Variants in SUPT3H observed in about 807,000 individuals in gnomAD.
SUPT3H encodes SPT3 homolog, SAGA and STAGA complex component.
In SUPT3H, 44 loss-of-function variants were observed where a neutral mutation model predicts 44.3. The ratio of observed to expected loss-of-function variants is 0.99; its 90% CI spans 0.78 to 1.28. The LOEUF (loss-of-function observed/expected upper bound fraction) is 1.28, where lower values mean the gene tolerates loss of function less well. Among genes scored for constraint, SUPT3H ranks in the 50% most tolerant of loss-of-function variants. SUPT3H has a pLI of 0.00. For synonymous variants in SUPT3H, 124 were observed against 125.6 expected, an observed-to-expected ratio of 0.99 and a Z score of 0.09; for missense variants, 380 against 387.1, an observed-to-expected ratio of 0.98 and a Z score of 0.15.
chr6:45,192,003 C>T (rs1322068521), intron 2 of SUPT3H, among the ~76,000 whole-genome samples: 1 of 152,074 alleles, frequency 6.6e-6, no homozygotes, highest in African/African-American at 2.4e-5. Flanking sequence ...ACTTACTTTA[C>T]TGAGTAAACT....
intron 10 of SUPT3H, among the ~76,000 whole-genome samples, chr6:44,905,879 A>G (rs1765960050): frequency 1.3e-5 from 2 of 152,224 alleles, no homozygotes; most frequent in South Asian, 2.1e-4. Flanking sequence ...TTGTAGGGAC[A>G]TGGATGAAGC....
chr6:45,081,053 A>C (rs142071866), intron 3 of SUPT3H, among the ~76,000 whole-genome samples: 4,358 of 151,672 alleles, frequency 0.029, 175 homozygotes, highest in African/African-American at 0.084. Flanking sequence ...GTACATATAT[A>C]CGTATATATG....
chr6:45,240,071 G>T (rs919517536), intron 2 of SUPT3H, among the ~76,000 whole-genome samples: 1 of 152,124 alleles, frequency 6.6e-6, no homozygotes, highest in Admixed American at 6.5e-5. Context: ...TAATAACTTG[G>T]GGTAGAGGTT....
intron 10 of SUPT3H, among the ~76,000 whole-genome samples, chr6:44,925,295 C>G (rs561995126): frequency 6.6e-6 from 1 of 152,232 alleles, no homozygotes; most frequent in East Asian, 1.9e-4. Context: ...TCCAGACTAA[C>G]TGGCTAGCTC....
At chr6:45,232,230 A>ACC (rs570208401) in intron 2 of SUPT3H, among the ~76,000 whole-genome samples, 42 of 152,158 alleles carry the variant, frequency 2.8e-4, no homozygotes, top group Non-Finnish European at 5.1e-4. Context: ...CTGAAGATGT[A>ACC]CCAATTGTGC....
In SUPT3H at chr6:44,949,460, T is replaced by A. The variant is rs9463054; in HGVS notation, c.801+3850A>T. Among the ~76,000 whole-genome samples the A allele has an allele frequency of 4.6e-5, 7 of 151,174 alleles. No homozygotes were observed. The East Asian group carries it at 9.7e-4, about 21-fold the overall frequency. On this transcript the variant is annotated intron_variant, in intron 9 of 10. Transcript: ENST00000371459. ...AAAAAAAAGAAAAAAAAGAAAAAAATTGGATAAATTAGGCTTCATCAGAAA... is the reference window on the plus strand; with the variant it reads ...AAAAAAAAGAAAAAAAAGAAAAAAAATGGATAAATTAGGCTTCATCAGAAA...
chr6:45,149,090 A>G (rs1458809285), intron 2 of SUPT3H, among the ~76,000 whole-genome samples: 4 of 152,208 alleles, frequency 2.6e-5, no homozygotes, highest in Non-Finnish European at 1.5e-5. Flanking sequence ...TACTAAACAT[A>G]TTAATATACA....
At position 45,142,199 on chromosome 6, in the gene SUPT3H, G is replaced by C. The variant is rs144442912; in HGVS notation, c.102-36193C>G. 2.2e-3 allele frequency among the ~76,000 whole-genome samples: 329 copies of C among 152,124 alleles called. 1 individual carries two copies. Among genetic ancestry groups the C allele is most frequent in the African/African-American group, 7.6e-3 (315 of 41,510 alleles). Reference sequence around the variant, plus strand: ...AGTCTTTTTCAGGCAAACAAATGCTGAGAGAATACATTACTACCAAGCCAG... The same window carrying C: ...AGTCTTTTTCAGGCAAACAAATGCTCAGAGAATACATTACTACCAAGCCAG... On this transcript the variant is annotated intron_variant, in intron 2 of 10. Transcript: ENST00000371459.
At chr6:45,212,434 G>A (rs1764242076) in intron 2 of SUPT3H, among the ~76,000 whole-genome samples, 1 of 146,838 alleles carries the variant, frequency 6.8e-6, no homozygotes, top group African/African-American at 2.5e-5. Context: ...CCTGGAAAAT[G>A]CTCTCTTCCT....
At chr6:45,023,028 C>CAGAAA (rs1301315472) in intron 3 of SUPT3H, among the ~76,000 whole-genome samples, 1 of 151,912 alleles carries the variant, frequency 6.6e-6, no homozygotes, top group Admixed American at 6.6e-5. Flanking sequence ...AAATTTTTGC[C>CAGAAA]TACTACCAGA....
At chr6:45,318,875 C>T (rs566372953) in intron 2 of SUPT3H, among the ~76,000 whole-genome samples, 1 of 152,166 alleles carries the variant, frequency 6.6e-6, no homozygotes, top group East Asian at 1.9e-4. Context: ...GATTTTATTT[C>T]TCAGAGATTT....
At chr6:45,130,207 T>C (rs889999110) in intron 2 of SUPT3H, among the ~76,000 whole-genome samples, 1 of 152,190 alleles carries the variant, frequency 6.6e-6, no homozygotes, top group Non-Finnish European at 1.5e-5. Flanking sequence ...GCATCTTCCC[T>C]GCCTCAGGCA....
chr6:45,303,689 A>AAG (rs1554334303), intron 2 of SUPT3H, among the ~76,000 whole-genome samples: 15 of 149,578 alleles, frequency 1.0e-4, no homozygotes, highest in Admixed American at 8.7e-4. Context: ...AAAAAAAAAA[A>AAG]AAAGAAACAA....
At chr6:45,241,299 C>G in intron 2 of SUPT3H, among the ~76,000 whole-genome samples, 1 of 152,140 alleles carries the variant, frequency 6.6e-6, no homozygotes, top group South Asian at 2.1e-4. Flanking sequence ...GCCATGATGC[C>G]CATGCTGAAG....
intron 2 of SUPT3H, among the ~76,000 whole-genome samples, chr6:45,243,197 C>CAAAAAAAAAAAAAAAAAAA (rs61643038): frequency 1.4e-5 from 1 of 72,564 alleles, no homozygotes; most frequent in East Asian, 7.0e-4. Flanking sequence ...GACTCCTTCT[C>CAAAAAAAAAAAAAAAAAAA]AAAAAAAAAA....
At chr6:44,941,754 C>T (rs895581854) in intron 9 of SUPT3H, among the ~76,000 whole-genome samples, 6 of 152,086 alleles carry the variant, frequency 3.9e-5, no homozygotes, top group Admixed American at 3.9e-4. Flanking sequence ...TATAACTATA[C>T]ATCAAATTTC....
chr6:45,238,874 T>G (rs1027622552), intron 2 of SUPT3H, among the ~76,000 whole-genome samples: 2 of 152,226 alleles, frequency 1.3e-5, no homozygotes, highest in Non-Finnish European at 1.5e-5. Context: ...ACTTTGTGGG[T>G]ATTCTCCATA....
intron 2 of SUPT3H, among the ~76,000 whole-genome samples, chr6:45,320,052 A>G (rs1184296202): frequency 6.6e-6 from 1 of 152,160 alleles, no homozygotes; most frequent in Non-Finnish European, 1.5e-5. Flanking sequence ...TATAATGATT[A>G]TATGATCAAG....
chr6:45,290,684 T>C (rs1199511098), intron 2 of SUPT3H, among the ~76,000 whole-genome samples: 1 of 152,194 alleles, frequency 6.6e-6, no homozygotes, highest in Non-Finnish European at 1.5e-5. Context: ...AAAGCAGAGT[T>C]AGACCAGGTA....
Sources: allele counts gnomAD v4.1 joint callset (sites outside exome capture counted in the v4.1 genomes callset), GRCh38; gene constraint gnomAD v4.1.1; transcripts MANE v1.5; gene names NCBI Gene and HGNC (gene_info 2026-07-23, HGNC 2026-07-21).